The following TEKT5 variants were observed in gnomAD, a reference collection of about 807,000 sequenced individuals.
The protein encoded by TEKT5 is tektin 5, also known as tektin-5.
A neutral mutation model predicts 48.7 loss-of-function variants in TEKT5; 52 were observed. The observed-to-expected ratio is 1.07, with a 90% CI of 0.86 to 1.35. The LOEUF (loss-of-function observed/expected upper bound fraction) is 1.35. Ranked by LOEUF, TEKT5 falls within the 40% of genes most tolerant of loss-of-function variation. The pLI is 0.00. For synonymous variants in TEKT5, 318 were observed against 267.6 expected, an observed-to-expected ratio of 1.19 and a Z score of -1.84; for missense variants, 831 against 641.6, an observed-to-expected ratio of 1.30 and a Z score of -3.19.
intron 6 of TEKT5, among the ~76,000 whole-genome samples, chr16:10,631,816 A>G (rs1054435562): frequency 4.6e-5 from 7 of 152,342 alleles, no homozygotes; most frequent in Middle Eastern, 3.4e-3. Context: ...GGAAGGGAAC[A>G]GAGCCTCTCT....
intron 5 of TEKT5, among the ~76,000 whole-genome samples, chr16:10,650,938 C>A (rs1898146731): frequency 6.6e-6 from 1 of 151,280 alleles, no homozygotes; most frequent in Non-Finnish European, 1.5e-5. Context: ...CCTGCTTGTG[C>A]ACTAGAAACA....
intron 5 of TEKT5, among the ~76,000 whole-genome samples, chr16:10,665,395 T>C (rs1334583755): frequency 1.3e-5 from 2 of 152,174 alleles, no homozygotes; most frequent in East Asian, 1.9e-4. Context: ...AAGCCAGCCA[T>C]GGGAGGAAAG....
At chr16:10,658,318 G>A (rs74009811) in intron 5 of TEKT5, among the ~76,000 whole-genome samples, 2,347 of 152,270 alleles carry the variant, frequency 0.015, 50 homozygotes, top group African/African-American at 0.054. Flanking sequence ...GTGCAAGAAT[G>A]TTCAAGAATG....
intron 1 of TEKT5, among the ~76,000 whole-genome samples, chr16:10,693,768 G>A (rs1410931686): frequency 6.6e-6 from 1 of 152,236 alleles, no homozygotes; most frequent in South Asian, 2.1e-4. Context: ...AGATCAGATC[G>A]AGACCAGCCT....
chr16:10,657,893 C>T (rs1376555778), intron 5 of TEKT5, among the ~76,000 whole-genome samples: 1 of 152,000 alleles, frequency 6.6e-6, no homozygotes, highest in Non-Finnish European at 1.5e-5. Context: ...AACCACTGCG[C>T]CCGGCCTCCC....
chr16:10,694,780 T>C lies in TEKT5; in HGVS notation c.94A>G (p.Ile32Val), dbSNP rs145065368. ...TAGTAGGGCTGATAGCATTCCTGGA[T>C]CACTGGCGCCTGTACAGCTGGCAGT... ...TSLPAVQAPV[I>V]QECYQPYYLP... is the part of the protein sequence containing the mutation. The change falls in exon 1 of 7, where the codon ATC (isoleucine) becomes GTC (valine). Residue 32 changes from isoleucine (I) to valine (V), a missense_variant. Ile to Val is a conservative substitution (Grantham distance 29). Transcript: ENST00000283025. 5 of 1,613,762 alleles carry C rather than the reference T, an allele frequency of 3.1e-6. No homozygotes were observed. The highest frequency in any genetic ancestry group is 4.2e-6 in the Non-Finnish European group (5 of 1,179,908).
chr16:10,629,311 T>C (rs1168166870), intron 6 of TEKT5, among the ~76,000 whole-genome samples: 4 of 151,468 alleles, frequency 2.6e-5, no homozygotes, highest in Non-Finnish European at 5.9e-5. Flanking sequence ...AGTGCAGTGG[T>C]GCAATCTCGG....
intron 5 of TEKT5, among the ~76,000 whole-genome samples, chr16:10,668,296 G>C (rs1044133271): frequency 6.6e-6 from 1 of 152,212 alleles, no homozygotes; most frequent in African/African-American, 2.4e-5. Context: ...GTGTTAAAGA[G>C]AGGTCGGCAT....
chr16:10,658,264 G>C (rs1898297314), intron 5 of TEKT5, among the ~76,000 whole-genome samples: 1 of 152,116 alleles, frequency 6.6e-6, no homozygotes, highest in African/African-American at 2.4e-5. Context: ...TTCCGTTCCT[G>C]GGAACGCCCA....
At position 10,651,810 on chromosome 16, in the gene TEKT5, A is replaced by G. The variant is rs138256447; in HGVS notation, c.1087-15892T>C. On this transcript the variant is annotated intron_variant, in intron 5 of 6. Coordinates refer to ENST00000283025, the MANE Select transcript of TEKT5 (RefSeq NM_144674.2). Reference sequence around the variant, plus strand: ...CCCCGTCTCTACTAAAAATACAAAAAAATTAGCCAGGTGTGGTGGCAGGTG... The same window carrying G: ...CCCCGTCTCTACTAAAAATACAAAAGAATTAGCCAGGTGTGGTGGCAGGTG... Among the ~76,000 whole-genome samples the G allele has an allele frequency of 1.2e-3, 176 of 152,192 alleles. 1 individual carries two copies. The highest frequency in any genetic ancestry group is 3.9e-3 in the African/African-American group (164 of 41,534).
intron 6 of TEKT5, among the ~76,000 whole-genome samples, chr16:10,629,493 C>T (rs532292060): frequency 6.6e-5 from 10 of 152,198 alleles, no homozygotes; most frequent in South Asian, 2.1e-4. Flanking sequence ...TCAGGCAATC[C>T]GCCAGTCTCA....
chr16:10,653,188 C>A (rs1034206335), intron 5 of TEKT5, among the ~76,000 whole-genome samples: 1 of 152,202 alleles, frequency 6.6e-6, no homozygotes, highest in African/African-American at 2.4e-5. Context: ...CAGGGGGTCA[C>A]CCCATGGGAG....
In TEKT5 at chr16:10,627,524, T is replaced by G; in HGVS notation, c.*59A>C. ...CCTTTCAAACAAAATACTGTTTTAC[T>G]TTGTTTCTCAGCCTTTTCCAATTTT... On this transcript the variant is annotated 3_prime_UTR_variant, in exon 7 of 7. Coordinates refer to ENST00000283025, the MANE Select transcript of TEKT5 (RefSeq NM_144674.2). 3.2e-6 allele frequency: 5 copies of G among 1,571,696 alleles called. No individual in the cohort carries two copies. The highest frequency in any genetic ancestry group is 4.4e-6 in the Non-Finnish European group (5 of 1,144,262).
intron 5 of TEKT5, among the ~76,000 whole-genome samples, chr16:10,673,353 C>T (rs982984511): frequency 1.6e-4 from 24 of 152,170 alleles, no homozygotes; most frequent in African/African-American, 3.4e-4. Context: ...AGATTGTCCA[C>T]GGCTGCTTTT....
At chr16:10,636,736 G>A (rs1261564327) in intron 5 of TEKT5, among the ~76,000 whole-genome samples, 1 of 148,918 alleles carries the variant, frequency 6.7e-6, no homozygotes, top group Non-Finnish European at 1.5e-5. Context: ...TATTCAAACA[G>A]ACTCAGAGTT....
rs1200504386 is a variant in TEKT5, at chr16:10,694,555, C to A, written c.319G>T (p.Ala107Ser). Residue 107 changes from alanine (A) to serine (S), a missense_variant, in exon 1 of 7, where the codon GCC becomes TCC. Transcript: ENST00000283025. ...AGCCGGCTGGCCCACAGCCGGGAGG[C>A]CTCGGCCCCACGCACCTGCAGCTGG... ...SNQLQVRGAEASRLWASRLTD... is the reference protein window; with the variant it reads ...SNQLQVRGAESSRLWASRLTD... 7 of 1,603,496 alleles carry A rather than the reference C, an allele frequency of 4.4e-6. No homozygotes were observed. The highest frequency in any genetic ancestry group is 6.0e-6 in the Non-Finnish European group (7 of 1,174,740).
chr16:10,694,720 G>T lies in TEKT5; in HGVS notation c.154C>A (p.Pro52Thr). 1.2e-6 allele frequency: 2 copies of T among 1,614,088 alleles called. No homozygotes were observed. Among genetic ancestry groups the T allele is most frequent in the Non-Finnish European group, 1.7e-6 (2 of 1,179,950 alleles). Residue 52 changes from proline to threonine, a missense_variant, in exon 1 of 7, where the codon CCT becomes ACT. Pro to Thr is a conservative substitution (Grantham distance 38). Coordinates refer to ENST00000283025, the MANE Select transcript of TEKT5 (RefSeq NM_144674.2). Reference sequence around the variant, plus strand: ...TTGGCTATCTTGTAGAAGAGGCTAGGCCTCCATGAATTGAGGTAGCGGTAC... The same window carrying T: ...TTGGCTATCTTGTAGAAGAGGCTAGTCCTCCATGAATTGAGGTAGCGGTAC... ...PGYRYLNSWR[P>T]SLFYKIANVQ...
chr16:10,639,946 A>T lies in TEKT5; in HGVS notation c.1087-4028T>A, dbSNP rs115710474. Among the ~76,000 whole-genome samples the T allele has an allele frequency of 4.3e-3, 648 of 152,088 alleles. 2 individuals are homozygous for T. The highest frequency in any genetic ancestry group is 0.015 in the African/African-American group (620 of 41,472). On this transcript the variant is annotated intron_variant, in intron 5 of 6. Transcript: ENST00000283025. Reference sequence around the variant, plus strand: ...GCACTGCCTCACAGTCTGATCTCCCACCAGCCCACCCCTAAAGCTTATGCA... The same window carrying T: ...GCACTGCCTCACAGTCTGATCTCCCTCCAGCCCACCCCTAAAGCTTATGCA...
At chr16:10,691,712 G>A (rs1898980552) in intron 1 of TEKT5, among the ~76,000 whole-genome samples, 1 of 152,122 alleles carries the variant, frequency 6.6e-6, no homozygotes, top group Non-Finnish European at 1.5e-5. Context: ...ACTTTGGGAG[G>A]CTGAGGTGGG....
Sources: gnomAD v4.1 joint callset for allele counts (sites outside exome capture counted in the v4.1 genomes callset) on GRCh38, gnomAD v4.1.1 for gene constraint, MANE v1.5 for transcripts, NCBI Gene and HGNC (gene_info 2026-07-23, HGNC 2026-07-21) for gene names.